The following ANTXR2 variants were observed in gnomAD, a reference collection of about 807,000 sequenced individuals.
The protein encoded by ANTXR2 is ANTXR cell adhesion molecule 2, also known as anthrax toxin receptor 2.
ANTXR2 carries 44 observed loss-of-function variants against 73.7 expected under a neutral mutation model. That is an observed-to-expected ratio of 0.60 (90% CI 0.47 to 0.77). The LOEUF (loss-of-function observed/expected upper bound fraction) is 0.77, where lower values mean the gene tolerates loss of function less well. Ranked by LOEUF, ANTXR2 falls within the 30% of genes least tolerant of loss-of-function variation. The pLI is 0.00. For missense variants in ANTXR2, 604 were observed against 592.5 expected, an observed-to-expected ratio of 1.02 and a Z score of -0.20; for synonymous variants, 217 against 205.9, an observed-to-expected ratio of 1.05 and a Z score of -0.46.
At chr4:80,043,046 G>A (rs1246502940) in intron 7 of ANTXR2, among the ~76,000 whole-genome samples, 1 of 151,926 alleles carries the variant, frequency 6.6e-6, no homozygotes, top group Non-Finnish European at 1.5e-5. Flanking sequence ...ATATACAATA[G>A]AAAAGAGTTC....
At chr4:79,989,213 T>C (rs1019197073) in intron 12 of ANTXR2, among the ~76,000 whole-genome samples, 3 of 151,772 alleles carry the variant, frequency 2.0e-5, no homozygotes, top group South Asian at 4.2e-4. Context: ...AATTTGGTTC[T>C]TTCAAAAAAT....
chr4:79,911,397 A>C (rs1230176642), intron 16 of ANTXR2, among the ~76,000 whole-genome samples: 1 of 152,150 alleles, frequency 6.6e-6, no homozygotes, highest in Non-Finnish European at 1.5e-5. Context: ...CGAGTGCTAA[A>C]AATAACAAAA....
intron 16 of ANTXR2, among the ~76,000 whole-genome samples, chr4:79,926,161 T>C (rs998504985): frequency 6.6e-6 from 1 of 152,150 alleles, no homozygotes; most frequent in African/African-American, 2.4e-5. Context: ...TAAATACTTT[T>C]AAATAAGAAT....
rs10549471 is a variant in ANTXR2, at chr4:79,966,127, G to GACAC, written c.1428+11490_1428+11493dup. Among the ~76,000 whole-genome samples, 375 of 149,508 alleles carry GACAC rather than the reference G, an allele frequency of 2.5e-3. 1 individual carries two copies. Among genetic ancestry groups the GACAC allele is most frequent in the African/African-American group, 7.8e-3 (315 of 40,284 alleles). ...CAATGAATGATTATGCTAGGACTTA[G>GACAC]ACACACACACACACACACACACACA... On this transcript the variant is annotated intron_variant, in intron 16 of 16. Transcript: ENST00000403729.
In ANTXR2 at chr4:80,008,540, C is replaced by G; in HGVS notation, c.1022G>C (p.Trp341Ser). The G allele has an allele frequency of 6.2e-7, 1 of 1,608,394 alleles. No homozygotes were observed. The highest frequency in any genetic ancestry group is 8.5e-7 in the Non-Finnish European group (1 of 1,177,704). ...ACTCACCACTTTGCAGCAAAGGGGC[C>G]AAAACCACCACATCAAACCGATCCC... ...LLGIGLMWWF[W>S]PLCCKVVIKD... Residue 341 changes from tryptophan (W) to serine (S), a missense_variant, in exon 12 of 17, where the codon TGG (tryptophan) becomes TCG (serine). Physicochemically the swap from Trp to Ser is radical, Grantham distance 177. Transcript: ENST00000403729.
chr4:79,902,817 A>G lies in ANTXR2; in HGVS notation c.*4612T>C, dbSNP rs1726759527. ...AGTCATATTGATACAAATATGAGAT[A>G]CAAAAATACTAAAACCTCCAACCTA... On this transcript the variant is annotated 3_prime_UTR_variant, in exon 17 of 17. Transcript: ENST00000403729. 6.6e-6 allele frequency: 1 copy of G among 151,992 alleles called. No individual in the cohort carries two copies. Among genetic ancestry groups the G allele is most frequent in the South Asian group, 2.1e-4 (1 of 4,826 alleles). 9.4% of individuals were successfully genotyped at this position (151,992 alleles called of 1,614,324 possible).
At chr4:80,071,467 G>A (rs2110127499) in intron 2 of ANTXR2, 116 bp downstream of exon 2, 2 of 815,714 alleles carry the variant, frequency 2.5e-6, no homozygotes, top group East Asian at 5.3e-5. Flanking sequence ...ACGACCTTGA[G>A]GCACTTAAAA....
intron 12 of ANTXR2, among the ~76,000 whole-genome samples, chr4:79,993,057 C>A (rs1163295215): frequency 6.6e-6 from 1 of 151,694 alleles, no homozygotes; most frequent in Non-Finnish European, 1.5e-5. Flanking sequence ...ATTTTATCTA[C>A]CAAAAAAGGG....
At chr4:80,050,701 A>C (rs922717719) in intron 7 of ANTXR2, among the ~76,000 whole-genome samples, 6 of 151,610 alleles carry the variant, frequency 4.0e-5, no homozygotes, top group Non-Finnish European at 8.9e-5. Flanking sequence ...AGGTTTTCCT[A>C]TTCCCAACTG....
chr4:80,055,049 T>G, intron 6 of ANTXR2, 101 bp downstream of exon 6: 1 of 1,069,162 alleles, frequency 9.4e-7, no homozygotes, highest in Non-Finnish European at 1.4e-6. Context: ...TCTTTAACAA[T>G]CGACCAGTGT....
intron 12 of ANTXR2, among the ~76,000 whole-genome samples, chr4:79,994,049 T>A (rs1230510783): frequency 6.6e-6 from 1 of 151,944 alleles, no homozygotes; most frequent in Non-Finnish European, 1.5e-5. Flanking sequence ...ACAAAGGAGA[T>A]GCATCTCCAT....
At chr4:80,047,452 G>T (rs1733571106) in intron 7 of ANTXR2, among the ~76,000 whole-genome samples, 1 of 151,368 alleles carries the variant, frequency 6.6e-6, no homozygotes, top group African/African-American at 2.4e-5. Flanking sequence ...TCCTACCCTG[G>T]ACACTTTTGC....
intron 10 of ANTXR2, among the ~76,000 whole-genome samples, chr4:80,030,548 G>A (rs936864823): frequency 2.6e-5 from 4 of 151,960 alleles, no homozygotes; most frequent in African/African-American, 9.7e-5. Flanking sequence ...TACAGAAAAC[G>A]AATAATACTC....
chr4:79,985,149 C>T (rs2110021411), intron 12 of ANTXR2, among the ~76,000 whole-genome samples: 1 of 152,008 alleles, frequency 6.6e-6, no homozygotes, highest in African/African-American at 2.4e-5. Context: ...CAGATCGAGA[C>T]CATCCTGGCT....
In ANTXR2 at chr4:79,972,920, T is replaced by TAA. The variant is rs746252575; in HGVS notation, c.1428+4699_1428+4700dup. On this transcript the variant is annotated intron_variant, in intron 16 of 16. Transcript: ENST00000403729. ...ATGTACCCTAAAACTTAGAGTATAA[T>TAA]AAAAAAAAAAAAAAAAAAAGAATAG... is the stretch of plus-strand genomic sequence containing the variant. Among the ~76,000 whole-genome samples the TAA allele has an allele frequency of 7.5e-5, 4 of 53,154 alleles. 1 individual carries two copies. Among genetic ancestry groups the TAA allele is most frequent in the African/African-American group, 3.0e-4 (2 of 6,702 alleles). The allele number at this position is 53,154 out of a possible 152,430, so 34.9% of individuals were successfully genotyped here.
At chr4:79,982,364 C>T (rs569594893) in intron 14 of ANTXR2, among the ~76,000 whole-genome samples, 4 of 152,136 alleles carry the variant, frequency 2.6e-5, no homozygotes, top group African/African-American at 7.2e-5. Context: ...TCTATCAAGC[C>T]TTTTTTCCCC....
intron 12 of ANTXR2, among the ~76,000 whole-genome samples, chr4:80,005,488 C>T (rs1046026030): frequency 2.0e-5 from 3 of 152,092 alleles, no homozygotes; most frequent in Non-Finnish European, 2.9e-5. Flanking sequence ...CTAATTTCAG[C>T]ATTGCACAAA....
rs553517031 is a variant in ANTXR2 at position 80,036,825 on chromosome 4, C to T, written c.637-793G>A. 2.0e-5 allele frequency among the ~76,000 whole-genome samples: 3 copies of T among 152,200 alleles called. No individual in the cohort carries two copies. The South Asian group carries it at 6.2e-4, about 32-fold the overall frequency. On this transcript the variant is annotated intron_variant, in intron 7 of 16. Transcript: ENST00000403729. ...AAATTAAAATTAAAATTAAAAAGCA[C>T]TTCTCTTTATTGGACAGTGGCATTT...
At position 79,907,286 on chromosome 4, in the gene ANTXR2, C is replaced by T; in HGVS notation, c.*143G>A. 7 of 865,082 alleles carry T rather than the reference C, an allele frequency of 8.1e-6. No individual in the cohort carries two copies. The highest frequency in any genetic ancestry group is 1.3e-5 in the Non-Finnish European group (7 of 537,468). The allele number at this position is 865,082 out of a possible 1,614,324, so 53.6% of individuals were successfully genotyped here. ...TGTTTGGTGCAAGCAAAGCAGAAGG[C>T]AGAGAAAACATTTCCCGACTGAGAG... On this transcript the variant is annotated 3_prime_UTR_variant, in exon 17 of 17. Transcript: ENST00000403729.
Sources: gnomAD v4.1 joint callset for allele counts (sites outside exome capture counted in the v4.1 genomes callset) on GRCh38, gnomAD v4.1.1 for gene constraint, MANE v1.5 for transcripts, NCBI Gene and HGNC (gene_info 2026-07-23, HGNC 2026-07-21) for gene names.